RORB: variants seen among roughly 807,000 people sequenced by gnomAD.
The protein encoded by RORB is RAR related orphan receptor B.
RORB carries 6 observed loss-of-function variants against 59.1 expected under a neutral mutation model. That is an observed-to-expected ratio of 0.10 (90% CI 0.06 to 0.20). The LOEUF is 0.20. Among genes scored for constraint, RORB ranks in the 10% least tolerant of loss-of-function variants. The pLI is 1.00. For synonymous variants in RORB, 215 were observed against 204.5 expected (o/e 1.05, Z -0.44); for missense variants, 320 against 560.5 (o/e 0.57, Z 4.33).
intron 4 of RORB, among the ~76,000 whole-genome samples, chr9:74,660,010 G>C (rs1044469744): frequency 6.6e-6 from 1 of 151,878 alleles, no homozygotes; most frequent in African/African-American, 2.4e-5. Context: ...ATATTGTATT[G>C]TGTACACCAC....
At chr9:74,532,525 A>G (rs1334966258) in intron 1 of RORB, among the ~76,000 whole-genome samples, 2 of 151,926 alleles carry the variant, frequency 1.3e-5, no homozygotes, top group African/African-American at 4.8e-5. Context: ...TGTCTTCAAC[A>G]TATCCAACAA....
chr9:74,543,144 C>A (rs1826434570), intron 1 of RORB, among the ~76,000 whole-genome samples: 1 of 152,170 alleles, frequency 6.6e-6, no homozygotes, highest in African/African-American at 2.4e-5. Context: ...CTGTCAGGTA[C>A]ACTCACACCA....
intron 1 of RORB, among the ~76,000 whole-genome samples, chr9:74,569,356 ATATAT>A (rs922658632): frequency 1.3e-5 from 2 of 152,100 alleles, no homozygotes; most frequent in African/African-American, 4.8e-5. Flanking sequence ...GAATGTAAAT[ATATAT>A]TAAAGTATAT....
chr9:74,624,982 T>C (rs540655899), intron 1 of RORB, among the ~76,000 whole-genome samples: 5 of 152,100 alleles, frequency 3.3e-5, no homozygotes, highest in South Asian at 2.1e-4. Flanking sequence ...TGTCTAGGAA[T>C]ACAGTGTCTG....
intron 1 of RORB, among the ~76,000 whole-genome samples, chr9:74,505,315 G>T (rs1179431451): frequency 6.6e-6 from 1 of 151,838 alleles, no homozygotes; most frequent in Admixed American, 6.6e-5. Context: ...ATTTTTAGGA[G>T]CCCAAATTAA....
chr9:74,598,944 C>G (rs1282771902), intron 1 of RORB, among the ~76,000 whole-genome samples: 1 of 152,152 alleles, frequency 6.6e-6, no homozygotes, highest in Non-Finnish European at 1.5e-5. Context: ...AGGAACCTTA[C>G]TTTACAACAA....
chr9:74,512,585 A>T (rs529301352), intron 1 of RORB, among the ~76,000 whole-genome samples: 4 of 152,322 alleles, frequency 2.6e-5, no homozygotes, highest in African/African-American at 7.2e-5. Context: ...AAGATGCTAC[A>T]AACATCCCAC....
chr9:74,525,821 T>C (rs1267885398), intron 1 of RORB, among the ~76,000 whole-genome samples: 1 of 151,940 alleles, frequency 6.6e-6, no homozygotes, highest in Non-Finnish European at 1.5e-5. Flanking sequence ...ACTAAATGAA[T>C]CTTTTTTAAA....
At chr9:74,534,770 A>G (rs938450849) in intron 1 of RORB, among the ~76,000 whole-genome samples, 1 of 152,022 alleles carries the variant, frequency 6.6e-6, no homozygotes, top group Admixed American at 6.6e-5. Context: ...TTTTGACATA[A>G]TGATCACAAT....
At chr9:74,571,221 G>A (rs376674549) in intron 1 of RORB, among the ~76,000 whole-genome samples, 3 of 151,816 alleles carry the variant, frequency 2.0e-5, no homozygotes, top group Non-Finnish European at 4.4e-5. Flanking sequence ...ACATTGTCTC[G>A]ATTAAATTTG....
At chr9:74,644,417 T>C (rs1823861984) in intron 4 of RORB, among the ~76,000 whole-genome samples, 1 of 152,222 alleles carries the variant, frequency 6.6e-6, no homozygotes, top group Non-Finnish European at 1.5e-5. Context: ...TCTTAAAAGA[T>C]AAATTAAAAT....
At chr9:74,598,054 TTTTTGCTACA>T (rs1173014859) in intron 1 of RORB, among the ~76,000 whole-genome samples, 2 of 152,128 alleles carry the variant, frequency 1.3e-5, no homozygotes, top group Non-Finnish European at 2.9e-5. Context: ...TTTTCAGCTG[TTTTTGCTACA>T]TTTTTAATGT....
intron 1 of RORB, among the ~76,000 whole-genome samples, chr9:74,562,666 T>C (rs1822411728): frequency 6.6e-6 from 1 of 152,212 alleles, no homozygotes; most frequent in Non-Finnish European, 1.5e-5. Flanking sequence ...CATCATTTCT[T>C]AACAAACATC....
In RORB at chr9:74,688,265, T is replaced by A. The variant is rs1161978808; in HGVS notation, c.*2647T>A. ...ACCAGGACATACTCATCCCACTTAG[T>A]TGAGAGAAGAGATTTCTAGTTTGGG... On this transcript the variant is annotated 3_prime_UTR_variant, in exon 10 of 10. Coordinates refer to ENST00000376896, the MANE Select transcript of RORB (RefSeq NM_006914.4). 6.6e-6 allele frequency: 1 copy of A among 152,164 alleles called. No individual in the cohort carries two copies. Among genetic ancestry groups the A allele is most frequent in the Non-Finnish European group, 1.5e-5 (1 of 68,038 alleles). The allele number at this position is 152,164 out of a possible 1,614,324, so 9.4% of individuals were successfully genotyped here. A position where few individuals can be genotyped will look rare whatever the true frequency, so the allele number is the denominator to read the frequency against.
At chr9:74,616,286 T>C (rs1823311491) in intron 1 of RORB, among the ~76,000 whole-genome samples, 1 of 152,196 alleles carries the variant, frequency 6.6e-6, no homozygotes, top group Admixed American at 6.5e-5. Flanking sequence ...TAGTACTAGA[T>C]AGCAATGCAC....
rs564430949 is a variant in RORB, at chr9:74,669,308, A to G, written c.1111+1407A>G. ...AGCCTGGCTAACATGGTGAAACCCC[A>G]TCTCTACCAAAAATACAAAAACTAG... On this transcript the variant is annotated intron_variant, in intron 8 of 9. Coordinates refer to ENST00000376896, the MANE Select transcript of RORB (RefSeq NM_006914.4). Among the ~76,000 whole-genome samples the G allele has an allele frequency of 2.6e-5, 4 of 152,198 alleles. No homozygotes were observed. In the South Asian group the frequency reaches 8.3e-4, roughly 32 times the overall value.
At chr9:74,658,836 T>G (rs570939002) in intron 4 of RORB, among the ~76,000 whole-genome samples, 46 of 152,324 alleles carry the variant, frequency 3.0e-4, no homozygotes, top group African/African-American at 1.1e-3. Context: ...AATTAAACTT[T>G]GAATATAGGA....
intron 1 of RORB, among the ~76,000 whole-genome samples, chr9:74,610,178 T>C (rs1407844): frequency 0.17 from 26,536 of 152,218 alleles, 2,362 homozygotes; most frequent in Admixed American, 0.22. Context: ...GATTTTACTG[T>C]ACCTCATAAA....
chr9:74,600,706 T>C (rs913682839), intron 1 of RORB, among the ~76,000 whole-genome samples: 3 of 152,236 alleles, frequency 2.0e-5, no homozygotes, highest in African/African-American at 7.2e-5. Context: ...ACAACATTAA[T>C]ATATTGAAAT....
Sources: allele counts gnomAD v4.1 joint callset (sites outside exome capture counted in the v4.1 genomes callset), GRCh38; gene constraint gnomAD v4.1.1; transcripts MANE v1.5; gene names NCBI Gene and HGNC (gene_info 2026-07-23, HGNC 2026-07-21).